XPR1: variants seen among roughly 807,000 people sequenced by gnomAD.
The protein encoded by XPR1 is solute carrier family 53 member 1.
In XPR1, 28 loss-of-function variants were observed where a neutral mutation model predicts 87.5. The ratio of observed to expected loss-of-function variants is 0.32; its 90% confidence interval spans 0.24 to 0.44. XPR1 has a LOEUF of 0.44. XPR1 is among the 20% of genes least tolerant of loss of function. XPR1 has a pLI of 1.00. For missense variants in XPR1, 559 were observed against 862.3 expected, an observed-to-expected ratio of 0.65 and a Z score of 4.41; for synonymous variants, 300 against 306.1, an observed-to-expected ratio of 0.98 and a Z score of 0.21.
At chr1:180,801,125 GC>G (rs1292000495) in intron 3 of XPR1, among the ~76,000 whole-genome samples, 2 of 152,216 alleles carry the variant, frequency 1.3e-5, no homozygotes, top group Non-Finnish European at 2.9e-5. Context: ...ATAGTTAAGT[GC>G]TGCCATCTGG....
At chr1:180,805,483 C>G (rs1167280427) in intron 4 of XPR1, among the ~76,000 whole-genome samples, 1 of 152,148 alleles carries the variant, frequency 6.6e-6, no homozygotes, top group Non-Finnish European at 1.5e-5. Flanking sequence ...TTCCTCCTTT[C>G]TACTTACTCT....
intron 1 of XPR1, among the ~76,000 whole-genome samples, chr1:180,672,849 A>G (rs1306928726): frequency 6.6e-6 from 1 of 152,168 alleles, no homozygotes; most frequent in Non-Finnish European, 1.5e-5. Context: ...ATAAAAAAGT[A>G]TCTGTTGTAA....
intron 1 of XPR1, among the ~76,000 whole-genome samples, chr1:180,635,333 T>C (rs1654726877): frequency 6.6e-6 from 1 of 152,192 alleles, no homozygotes; most frequent in Non-Finnish European, 1.5e-5. Flanking sequence ...AAGAGCTTTT[T>C]TAAAATTTAG....
rs115394263 is a variant in XPR1 at position 180,653,774 on chromosome 1, A to G, written c.69+21504A>G. ...ACTGAGTAAAGTAATGGTTACTTTG[A>G]ATATAAGCACTGCAAAAAAATACCG... On this transcript the variant is annotated intron_variant, in intron 1 of 14. Coordinates refer to ENST00000367590, the MANE Select transcript of XPR1 (RefSeq NM_004736.4). Among the ~76,000 whole-genome samples, 1,188 of 152,322 alleles carry G rather than the reference A, an allele frequency of 7.8e-3. 16 individuals are homozygous for G. The highest frequency in any genetic ancestry group is 0.027 in the African/African-American group (1,134 of 41,568).
intron 1 of XPR1, among the ~76,000 whole-genome samples, chr1:180,634,697 G>A (rs1654709681): frequency 6.6e-6 from 1 of 152,078 alleles, no homozygotes; most frequent in Non-Finnish European, 1.5e-5. Context: ...TTCTAGCCTA[G>A]GGTGCTTTCT....
At chr1:180,810,690 T>C (rs1438114682) in intron 6 of XPR1, among the ~76,000 whole-genome samples, 1 of 152,036 alleles carries the variant, frequency 6.6e-6, no homozygotes, top group Non-Finnish European at 1.5e-5. Flanking sequence ...ATGTGCAAAC[T>C]CTGAGTAATA....
intron 12 of XPR1, among the ~76,000 whole-genome samples, chr1:180,872,900 G>A (rs1370714433): frequency 6.6e-6 from 1 of 151,660 alleles, no homozygotes; most frequent in Non-Finnish European, 1.5e-5. Context: ...AGAAGAAGTA[G>A]CTACAAATTT....
chr1:180,738,645 A>G (rs61809352), intron 2 of XPR1, among the ~76,000 whole-genome samples: 8,139 of 152,184 alleles, frequency 0.053, 311 homozygotes, highest in Non-Finnish European at 0.079. Context: ...GCATTTCTCT[A>G]TGGGCTCATG....
At chr1:180,873,665 A>G (rs1652574340) in intron 12 of XPR1, 138 bp from the exon 13 acceptor site, 4 of 951,118 alleles carry the variant, frequency 4.2e-6, no homozygotes, top group Non-Finnish European at 6.1e-6. Context: ...CCTGCAAAAT[A>G]AAGTACAACT....
At chr1:180,808,684 A>G (rs940657233) in intron 6 of XPR1, among the ~76,000 whole-genome samples, 1 of 152,192 alleles carries the variant, frequency 6.6e-6, no homozygotes, top group Non-Finnish European at 1.5e-5. Flanking sequence ...GCAAATTAGC[A>G]TGTGATAAAA....
chr1:180,659,473 CCCTTCCTCCCTTCCT>C (rs1655687751), intron 1 of XPR1, among the ~76,000 whole-genome samples: 1 of 142,072 alleles, frequency 7.0e-6, no homozygotes, highest in African/African-American at 2.7e-5. Context: ...CTCCCTTCCT[CCCTTCCTCCCTTCCT>C]CCCTTCCTCC....
chr1:180,803,367 G>A lies in XPR1; in HGVS notation c.224-21G>A, dbSNP rs761341469. On this transcript the variant is annotated intron_variant, in intron 3 of 14. Transcript: ENST00000367590. ...ACTTTTTTATCTTACTGATTTGACA[G>A]TTCCGTTCTATTTCTTATAGAGAAG... 1.3e-5 allele frequency: 21 copies of A among 1,606,164 alleles called. No individual in the cohort carries two copies. The South Asian group carries it at 1.3e-4, about 10-fold the overall frequency.
chr1:180,806,524 G>A lies in XPR1; in HGVS notation c.648G>A (p.Lys216=), dbSNP rs1386574773. The change falls in exon 6 of 15, where the codon AAG becomes AAA. Residue 216 remains lysine, a synonymous_variant. Coordinates refer to ENST00000367590, the MANE Select transcript of XPR1 (RefSeq NM_004736.4). The part of the protein sequence containing the change: ...LEDGDRQKAM[K]RLRVPPLGAA... ...ATGGTGACAGACAAAAGGCTATGAA[G>A]CGTTTACGTGTCCCCCCTTTGGGAG... The A allele has an allele frequency of 3.1e-6, 5 of 1,613,098 alleles. No individual in the cohort carries two copies. In the South Asian group the frequency reaches 5.5e-5, roughly 18 times the overall value.
At chr1:180,703,284 G>A (rs933844434) in intron 2 of XPR1, among the ~76,000 whole-genome samples, 6 of 152,088 alleles carry the variant, frequency 3.9e-5, no homozygotes, top group African/African-American at 1.2e-4. Context: ...TAGTTGGCAC[G>A]CTCAGACTCA....
intron 2 of XPR1, among the ~76,000 whole-genome samples, chr1:180,746,231 G>A (rs1571792984): frequency 6.6e-6 from 1 of 152,036 alleles, no homozygotes; most frequent in East Asian, 1.9e-4. Flanking sequence ...TGAGTAGTGT[G>A]CATTTTACCC....
chr1:180,659,191 A>T (rs1571690436), intron 1 of XPR1, among the ~76,000 whole-genome samples: 5 of 89,926 alleles, frequency 5.6e-5, no homozygotes, highest in Non-Finnish European at 8.3e-5. Flanking sequence ...GCCTGTAGTC[A>T]GTCTTCCTTC....
intron 2 of XPR1, 106 bp downstream of exon 2, chr1:180,682,517 T>A: frequency 1.5e-6 from 1 of 646,136 alleles, no homozygotes; most frequent in Non-Finnish European, 2.4e-6. Context: ...TCCTATTATA[T>A]AGGTCTTTTT....
rs1243137882 is a variant in XPR1 at position 180,886,387 on chromosome 1, A to G, written c.*2321A>G. 1.3e-5 allele frequency: 2 copies of G among 152,206 alleles called. No homozygotes were observed. The highest frequency in any genetic ancestry group is 2.9e-5 in the Non-Finnish European group (2 of 68,040). 9.4% of individuals were successfully genotyped at this position (152,206 alleles called of 1,614,324 possible). A position where few individuals can be genotyped will look rare whatever the true frequency, so the allele number is the denominator to read the frequency against. Reference sequence around the variant, plus strand: ...TATTAACTTTATTCTTTATTAGTGAATCTCTATGATGGCACACATAAAATC... The same window carrying G: ...TATTAACTTTATTCTTTATTAGTGAGTCTCTATGATGGCACACATAAAATC... On this transcript the variant is annotated 3_prime_UTR_variant, in exon 15 of 15. Transcript: ENST00000367590.
chr1:180,884,378 G>A lies in XPR1; in HGVS notation c.*312G>A. On this transcript the variant is annotated 3_prime_UTR_variant, in exon 15 of 15. Transcript: ENST00000367590. ...ATCACAAGGACATAGATACCTATCA[G>A]GATGAAGAACAGGCATTGCAAGGAC... 1 of 213,326 alleles carries A rather than the reference G, an allele frequency of 4.7e-6. No homozygotes were observed. Among genetic ancestry groups the A allele is most frequent in the South Asian group, 9.3e-5 (1 of 10,720 alleles). 13.2% of individuals were successfully genotyped at this position (213,326 alleles called of 1,614,324 possible).
Sources: allele counts gnomAD v4.1 joint callset (sites outside exome capture counted in the v4.1 genomes callset), GRCh38; gene constraint gnomAD v4.1.1; transcripts MANE v1.5; gene names NCBI Gene and HGNC (gene_info 2026-07-23, HGNC 2026-07-21).